The following PAG1 variants were observed in gnomAD, a reference collection of about 807,000 sequenced individuals.
PAG1 encodes the protein phosphoprotein membrane anchor with glycosphingolipid microdomains 1, also known as phosphoprotein associated with glycosphingolipid-enriched microdomains 1.
Under a neutral mutation model 31.7 loss-of-function variants are expected in PAG1, and 23 were observed. That is an observed-to-expected ratio of 0.73 (90% CI 0.52 to 1.03). PAG1 has a LOEUF of 1.03. Ranked by LOEUF, PAG1 falls within the 50% of genes least tolerant of loss-of-function variation. The probability of loss-of-function intolerance (pLI) is 0.00; values close to 1 mark genes in which losing one functional copy is unlikely to be tolerated. For synonymous variants in PAG1, 214 were observed against 210.3 expected, an observed-to-expected ratio of 1.02 and a Z score of -0.15; for missense variants, 473 against 540.7, an observed-to-expected ratio of 0.87 and a Z score of 1.24.
At position 80,973,030 on chromosome 8, in the gene PAG1, A is replaced by G. The variant is rs1807110582; in HGVS notation, c.*3514T>C. The G allele has an allele frequency of 6.6e-6, 1 of 152,068 alleles. No homozygotes were observed. 9.4% of individuals were successfully genotyped at this position (152,068 alleles called of 1,614,324 possible). On this transcript the variant is annotated 3_prime_UTR_variant, in exon 9 of 9. Transcript: ENST00000220597. ...AATCATGAGAAATATATACAGTGAT[A>G]TAATGCGGTTAAATTTTAGTTCTCT...
chr8:81,020,837 C>CTTAATAATGAAATTTTG (rs1416856870), intron 3 of PAG1, among the ~76,000 whole-genome samples: 2 of 152,172 alleles, frequency 1.3e-5, no homozygotes, highest in Non-Finnish European at 2.9e-5. Flanking sequence ...AAAATTTCAT[C>CTTAATAATGAAATTTTG]CTTAATAAAC....
intron 2 of PAG1, among the ~76,000 whole-genome samples, chr8:81,062,133 C>T (rs1310894018): frequency 6.6e-6 from 1 of 152,212 alleles, no homozygotes; most frequent in Non-Finnish European, 1.5e-5. Flanking sequence ...TCTATAAAAG[C>T]ACCCACACTC....
In PAG1 at chr8:81,059,271, ATTC is replaced by A. The variant is rs1306085808; in HGVS notation, c.-175+10838_-175+10840del. Among the ~76,000 whole-genome samples, 12 of 106,170 alleles carry A rather than the reference ATTC, an allele frequency of 1.1e-4. No homozygotes were observed. The South Asian group carries it at 1.5e-3, about 13-fold the overall frequency. 69.7% of individuals were successfully genotyped at this position (106,170 alleles called of 152,430 possible). A position where few individuals can be genotyped will look rare whatever the true frequency, so the allele number is the denominator to read the frequency against. ...GTACACATTCAGTACAGAGGCAAAC[ATTC>A]TTTTTTTTTTTTTCTTTGAATGCTT... On this transcript the variant is annotated intron_variant, in intron 2 of 8. Transcript: ENST00000220597.
At chr8:81,103,133 C>T (rs79001672) in intron 1 of PAG1, among the ~76,000 whole-genome samples, 29 of 139,140 alleles carry the variant, frequency 2.1e-4, no homozygotes, top group African/African-American at 7.5e-4. Context: ...ATAATGAATG[C>T]AAAACATGTT....
At chr8:80,986,532 C>A (rs1430283474) in intron 6 of PAG1, among the ~76,000 whole-genome samples, 1 of 152,192 alleles carries the variant, frequency 6.6e-6, no homozygotes, top group Non-Finnish European at 1.5e-5. Flanking sequence ...GCCCAGGGAT[C>A]AGACTGCCTG....
Position 80,976,573 on chromosome 8 carries a change from G to A in PAG1, c.1270C>T (p.Gln424Ter), listed in dbSNP as rs1490325404. ...ENDYESISDLQQGRDITRL is the reference protein window; with the variant it reads ...ENDYESISDL ...AGCCTGGTAATATCTCTGCCTTGCT[G>A]CAAGTCACTTATGCTCTCGTAGTCG... Residue 424 changes from glutamine (Q) to a stop codon, truncating the protein, a stop_gained, in exon 9 of 9, where the codon CAG (glutamine) becomes TAG (stop). Transcript: ENST00000220597. LOFTEE classifies it high-confidence loss of function. 2 of 1,613,290 alleles carry A rather than the reference G, an allele frequency of 1.2e-6. No homozygotes were observed. The highest frequency in any genetic ancestry group is 3.3e-5 in the Admixed American group (2 of 59,940).
chr8:80,982,054 C>T (rs1024118264), intron 7 of PAG1, among the ~76,000 whole-genome samples: 3 of 151,748 alleles, frequency 2.0e-5, no homozygotes, highest in Non-Finnish European at 2.9e-5. Context: ...TTTGTAGAGA[C>T]GGGGTGCTGC....
chr8:81,031,062 C>T (rs139650658), intron 2 of PAG1, among the ~76,000 whole-genome samples: 1 of 152,324 alleles, frequency 6.6e-6, no homozygotes, highest in Admixed American at 6.5e-5. Flanking sequence ...TCTAGATTTG[C>T]ATCTACTGAT....
At position 80,969,355 on chromosome 8, in the gene PAG1, T is replaced by C. The variant is rs1015081558; in HGVS notation, c.*7189A>G. The C allele has an allele frequency of 6.6e-6, 1 of 152,282 alleles. No homozygotes were observed. Among genetic ancestry groups the C allele is most frequent in the Admixed American group, 6.5e-5 (1 of 15,298 alleles). The allele number at this position is 152,282 out of a possible 1,614,324, so 9.4% of individuals were successfully genotyped here. ...AGGAATGCTCAAAATCCTCAACCCATAGACTCAGGCTTTTGGTCCCAGCCT... is the reference window on the plus strand; with the variant it reads ...AGGAATGCTCAAAATCCTCAACCCACAGACTCAGGCTTTTGGTCCCAGCCT... On this transcript the variant is annotated 3_prime_UTR_variant, in exon 9 of 9. Coordinates refer to ENST00000220597, the MANE Select transcript of PAG1 (RefSeq NM_018440.4).
At chr8:81,055,039 A>T in intron 2 of PAG1, among the ~76,000 whole-genome samples, 1 of 151,920 alleles carries the variant, frequency 6.6e-6, no homozygotes, top group East Asian at 1.9e-4. Context: ...CCTGTCCAAG[A>T]CACTAACTCA....
chr8:81,045,532 T>C (rs1277651929), intron 2 of PAG1, among the ~76,000 whole-genome samples: 2 of 152,068 alleles, frequency 1.3e-5, no homozygotes, highest in African/African-American at 2.4e-5. Flanking sequence ...GAGGGTGAGA[T>C]GGGGAAATTG....
intron 2 of PAG1, among the ~76,000 whole-genome samples, chr8:81,045,254 G>A (rs747124991): frequency 1.3e-5 from 2 of 152,154 alleles, no homozygotes; most frequent in Non-Finnish European, 2.9e-5. Flanking sequence ...CACTGATAAT[G>A]GCTGAAGAGT....
At chr8:81,088,049 T>C (rs539655674) in intron 1 of PAG1, among the ~76,000 whole-genome samples, 31 of 152,148 alleles carry the variant, frequency 2.0e-4, no homozygotes, top group South Asian at 6.2e-4. Context: ...AATTACCTCA[T>C]TTTTTTCCCC....
intron 1 of PAG1, among the ~76,000 whole-genome samples, chr8:81,075,905 T>C (rs1809169402): frequency 1.3e-5 from 2 of 152,238 alleles, no homozygotes; most frequent in African/African-American, 4.8e-5. Context: ...TGTTGGTAAA[T>C]ATCTGATACA....
At chr8:81,048,862 T>G (rs1346161226) in intron 2 of PAG1, among the ~76,000 whole-genome samples, 1 of 152,222 alleles carries the variant, frequency 6.6e-6, no homozygotes, top group Non-Finnish European at 1.5e-5. Flanking sequence ...GCCCAGTGTT[T>G]CACTGCAATA....
At chr8:81,001,378 C>T (rs1472058142) in intron 3 of PAG1, among the ~76,000 whole-genome samples, 1 of 152,186 alleles carries the variant, frequency 6.6e-6, no homozygotes, top group African/African-American at 2.4e-5. Context: ...TTGGTCAGAT[C>T]TTCAAAGGTG....
chr8:80,993,008 C>T lies in PAG1; in HGVS notation c.125+95G>A, dbSNP rs996535311. The T allele has an allele frequency of 1.0e-4, 113 of 1,111,068 alleles. No homozygotes were observed. The South Asian group carries it at 1.4e-3, about 14-fold the overall frequency. 68.8% of individuals were successfully genotyped at this position (1,111,068 alleles called of 1,614,324 possible). On this transcript the variant is annotated intron_variant, in intron 4 of 8. Coordinates refer to ENST00000220597, the MANE Select transcript of PAG1 (RefSeq NM_018440.4). ...ACAAGTTTCTGGGACGGCTCTGTGGCGGGATTCCATTCCTAACAGGCTTTC... is the reference window on the plus strand; with the variant it reads ...ACAAGTTTCTGGGACGGCTCTGTGGTGGGATTCCATTCCTAACAGGCTTTC...
chr8:81,091,843 GAAA>G (rs900140184), intron 1 of PAG1, among the ~76,000 whole-genome samples: 4 of 140,942 alleles, frequency 2.8e-5, no homozygotes, highest in African/African-American at 9.0e-5. Context: ...AGAAGAAGAA[GAAA>G]AAAAAACACC....
intron 1 of PAG1, among the ~76,000 whole-genome samples, chr8:81,096,553 G>A (rs1049364362): frequency 5.3e-4 from 81 of 152,174 alleles, no homozygotes; most frequent in African/African-American, 1.8e-3. Flanking sequence ...CAAAGACTCT[G>A]CCATCCATCT....
Sources: gnomAD v4.1 joint callset for allele counts (sites outside exome capture counted in the v4.1 genomes callset) on GRCh38, gnomAD v4.1.1 for gene constraint, MANE v1.5 for transcripts, NCBI Gene and HGNC (gene_info 2026-07-23, HGNC 2026-07-21) for gene names.